Variants in THEMIS observed in about 807,000 individuals in gnomAD.
THEMIS encodes protein THEMIS.
A neutral mutation model predicts 52.6 loss-of-function variants in THEMIS; 37 were observed. That is an observed-to-expected ratio of 0.70 (90% confidence interval 0.54 to 0.93). The LOEUF (loss-of-function observed/expected upper bound fraction) is 0.93, where lower values mean the gene tolerates loss of function less well. THEMIS is among the 40% of genes least tolerant of loss of function. The probability of loss-of-function intolerance (pLI) is 0.00; values close to 1 mark genes in which losing one functional copy is unlikely to be tolerated. For synonymous variants in THEMIS, 292 were observed against 272.7 expected, an observed-to-expected ratio of 1.07 and a Z score of -0.70; for missense variants, 808 against 763.1, an observed-to-expected ratio of 1.06 and a Z score of -0.69.
intron 4 of THEMIS, among the ~76,000 whole-genome samples, chr6:127,734,570 A>C (rs1774920696): frequency 6.6e-6 from 1 of 152,002 alleles, no homozygotes; most frequent in African/African-American, 2.4e-5. Context: ...GTAAGACGTG[A>C]GGGTGCATAA....
intron 4 of THEMIS, among the ~76,000 whole-genome samples, chr6:127,775,252 G>A (rs1776523376): frequency 6.6e-6 from 1 of 152,184 alleles, no homozygotes; most frequent in South Asian, 2.1e-4. Flanking sequence ...GTGTTTTTAT[G>A]TTTTGAGCAG....
chr6:127,830,008 G>A, intron 2 of THEMIS, 74 bp from the exon 3 acceptor site: 1 of 1,081,106 alleles, frequency 9.2e-7, no homozygotes, highest in Non-Finnish European at 1.3e-6. Context: ...CACAAGGAGA[G>A]AGTTACAACA....
intron 1 of THEMIS, among the ~76,000 whole-genome samples, chr6:127,897,313 C>T (rs1441099458): frequency 1.3e-5 from 2 of 151,254 alleles, no homozygotes; most frequent in African/African-American, 4.8e-5. Context: ...GGAAAACTTT[C>T]GTCCATTAAA....
intron 2 of THEMIS, among the ~76,000 whole-genome samples, chr6:127,851,458 C>A (rs1355623645): frequency 6.6e-6 from 1 of 151,366 alleles, no homozygotes; most frequent in Admixed American, 6.6e-5. Flanking sequence ...AAGACTGTTA[C>A]CCCAAATATG....
chr6:127,768,858 T>C (rs1776283202), intron 4 of THEMIS, among the ~76,000 whole-genome samples: 3 of 152,306 alleles, frequency 2.0e-5, no homozygotes, highest in Admixed American at 6.5e-5. Flanking sequence ...CAGGCTCTAA[T>C]CCTTTTGGCT....
chr6:127,788,309 G>T (rs1444432746), intron 4 of THEMIS, among the ~76,000 whole-genome samples: 1 of 152,082 alleles, frequency 6.6e-6, no homozygotes, highest in Non-Finnish European at 1.5e-5. Flanking sequence ...AATATTTCAT[G>T]GAGAATTGCC....
At chr6:127,909,094 C>A (rs1056063914) in intron 1 of THEMIS, among the ~76,000 whole-genome samples, 1 of 151,808 alleles carries the variant, frequency 6.6e-6, no homozygotes, top group Non-Finnish European at 1.5e-5. Flanking sequence ...GCATTAAATA[C>A]AAATTATCTA....
chr6:127,724,376 G>A (rs1774466964), intron 4 of THEMIS, among the ~76,000 whole-genome samples: 1 of 152,046 alleles, frequency 6.6e-6, no homozygotes, highest in South Asian at 2.1e-4. Flanking sequence ...AAACACAGTG[G>A]CCCCTATTAC....
At chr6:127,831,352 T>A (rs915191692) in intron 2 of THEMIS, among the ~76,000 whole-genome samples, 32 of 152,272 alleles carry the variant, frequency 2.1e-4, no homozygotes, top group African/African-American at 7.5e-4. Context: ...TAGATTTTAA[T>A]AAATTCCAGA....
intron 1 of THEMIS, among the ~76,000 whole-genome samples, chr6:127,916,420 G>A (rs1404009791): frequency 6.6e-6 from 1 of 152,088 alleles, no homozygotes; most frequent in Non-Finnish European, 1.5e-5. Context: ...GAGGCAACTG[G>A]AATTCTGCCT....
intron 4 of THEMIS, among the ~76,000 whole-genome samples, chr6:127,805,920 A>G (rs1189270358): frequency 6.6e-6 from 1 of 152,146 alleles, no homozygotes; most frequent in African/African-American, 2.4e-5. Flanking sequence ...TGCATAGCCA[A>G]CTGGAACTTA....
chr6:127,766,041 C>T (rs981431715), intron 4 of THEMIS, among the ~76,000 whole-genome samples: 1 of 152,086 alleles, frequency 6.6e-6, no homozygotes, highest in Non-Finnish European at 1.5e-5. Flanking sequence ...TAGAAGCAAA[C>T]AGATCAAAAT....
At chr6:127,769,152 C>G (rs1776292816) in intron 4 of THEMIS, among the ~76,000 whole-genome samples, 1 of 152,156 alleles carries the variant, frequency 6.6e-6, no homozygotes, top group African/African-American at 2.4e-5. Flanking sequence ...TAAATCCACA[C>G]TTCAAATGAA....
intron 1 of THEMIS, among the ~76,000 whole-genome samples, chr6:127,900,091 C>A (rs973677304): frequency 5.3e-5 from 8 of 151,602 alleles, no homozygotes; most frequent in Non-Finnish European, 1.2e-4. Flanking sequence ...TCAATTCTAC[C>A]ACTCTTGAGG....
intron 5 of THEMIS, among the ~76,000 whole-genome samples, chr6:127,717,731 G>T (rs1039445560): frequency 1.3e-5 from 2 of 151,760 alleles, no homozygotes; most frequent in Non-Finnish European, 2.9e-5. Context: ...TATTTGAAAA[G>T]GTTCCACCCC....
At chr6:127,715,526 G>C (rs1774125068) in intron 5 of THEMIS, among the ~76,000 whole-genome samples, 1 of 151,792 alleles carries the variant, frequency 6.6e-6, no homozygotes, top group Non-Finnish European at 1.5e-5. Flanking sequence ...CCTCTGACTT[G>C]TCTAATCCTC....
chr6:127,733,274 A>G (rs879459782), intron 4 of THEMIS, among the ~76,000 whole-genome samples: 2 of 152,148 alleles, frequency 1.3e-5, no homozygotes, highest in Non-Finnish European at 2.9e-5. Flanking sequence ...CTATTTTGCA[A>G]ATAGCTTCCT....
chr6:127,750,732 C>T (rs764711588), intron 4 of THEMIS, among the ~76,000 whole-genome samples: 1 of 151,660 alleles, frequency 6.6e-6, no homozygotes, highest in Non-Finnish European at 1.5e-5. Flanking sequence ...GCTGCTTAAA[C>T]AAGAGAAAAT....
intron 3 of THEMIS, among the ~76,000 whole-genome samples, chr6:127,821,253 C>A (rs1778330665): frequency 1.3e-5 from 2 of 151,476 alleles, no homozygotes; most frequent in Admixed American, 1.3e-4. Flanking sequence ...ATTTCCTCCC[C>A]CAAAAAAGAC....
Sources: gnomAD v4.1 joint callset for allele counts (sites outside exome capture counted in the v4.1 genomes callset) on GRCh38, gnomAD v4.1.1 for gene constraint, MANE v1.5 for transcripts, NCBI Gene and HGNC (gene_info 2026-07-23, HGNC 2026-07-21) for gene names.